The following LAMA3 variants were observed in gnomAD, a reference collection of about 807,000 sequenced individuals.
The protein encoded by LAMA3 is laminin subunit alpha-3.
In LAMA3, 281 loss-of-function variants were observed where a neutral mutation model predicts 402.0. That is an observed-to-expected ratio of 0.70 (90% CI 0.63 to 0.77). LAMA3 has a LOEUF of 0.77. Among genes scored for constraint, LAMA3 ranks in the 30% least tolerant of loss-of-function variants. LAMA3 has a pLI of 0.00. For synonymous variants in LAMA3, 1,431 were observed against 1,558.4 expected, an observed-to-expected ratio of 0.92 and a Z score of 1.93; for missense variants, 3,840 against 4,215.5, an observed-to-expected ratio of 0.91 and a Z score of 2.47.
intron 65 of LAMA3, 107 bp from the exon 66 acceptor site, chr18:23,932,053 T>G: frequency 1.5e-6 from 2 of 1,349,216 alleles, no homozygotes; most frequent in Non-Finnish European, 2.1e-6. Flanking sequence ...ACTAGTTATT[T>G]TAGATAACAA....
chr18:23,790,126 C>A (rs1305557508), intron 12 of LAMA3, among the ~76,000 whole-genome samples: 1 of 152,170 alleles, frequency 6.6e-6, no homozygotes, highest in Non-Finnish European at 1.5e-5. Flanking sequence ...TTACTCTCAG[C>A]CTGGTATACA....
At chr18:23,754,950 G>C (rs1189512359) in intron 6 of LAMA3, among the ~76,000 whole-genome samples, 1 of 152,220 alleles carries the variant, frequency 6.6e-6, no homozygotes, top group Non-Finnish European at 1.5e-5. Context: ...TGTGATGTGC[G>C]TTGTGGGGCC....
At chr18:23,903,218 A>G (rs2081132073) in intron 49 of LAMA3, 93 bp downstream of exon 49, 1 of 808,740 alleles carries the variant, frequency 1.2e-6, no homozygotes, top group Non-Finnish European at 2.2e-6. Context: ...TTTTTTGTTT[A>G]TTCAAAGTAT....
intron 1 of LAMA3, among the ~76,000 whole-genome samples, chr18:23,704,808 T>C (rs1647267015): frequency 2.0e-5 from 3 of 152,294 alleles, no homozygotes; most frequent in South Asian, 4.1e-4. Flanking sequence ...AATCATCCTC[T>C]AGCTTCTTGG....
chr18:23,778,626 A>C (rs773196389), intron 11 of LAMA3, among the ~76,000 whole-genome samples: 1 of 152,170 alleles, frequency 6.6e-6, no homozygotes, highest in Non-Finnish European at 1.5e-5. Flanking sequence ...GCACCAAAGG[A>C]AGGGCACAGC....
At chr18:23,889,105 A>C (rs2080549999) in intron 41 of LAMA3, among the ~76,000 whole-genome samples, 1 of 152,172 alleles carries the variant, frequency 6.6e-6, no homozygotes, top group Non-Finnish European at 1.5e-5. Context: ...GCACGGCAGC[A>C]ATTAGTGCAA....
At chr18:23,785,211 C>T (rs1288608461) in intron 12 of LAMA3, among the ~76,000 whole-genome samples, 2 of 152,346 alleles carry the variant, frequency 1.3e-5, no homozygotes, top group Middle Eastern at 3.4e-3. Context: ...CTTATTCACA[C>T]ACTTCCAATT....
intron 10 of LAMA3, among the ~76,000 whole-genome samples, chr18:23,776,716 C>G (rs1424999824): frequency 2.0e-5 from 3 of 152,126 alleles, no homozygotes; most frequent in Non-Finnish European, 4.4e-5. Context: ...CCTCCCACCC[C>G]AGGTAATTGC....
chr18:23,768,255 T>A (rs2062120855), intron 8 of LAMA3, among the ~76,000 whole-genome samples: 1 of 150,538 alleles, frequency 6.6e-6, no homozygotes, highest in South Asian at 2.1e-4. Flanking sequence ...AAAGGTCTAA[T>A]ATTCGGAATA....
chr18:23,848,693 G>A (rs2144646243), intron 32 of LAMA3, among the ~76,000 whole-genome samples: 1 of 152,292 alleles, frequency 6.6e-6, no homozygotes, highest in South Asian at 2.1e-4. Context: ...ACTTGAGGGT[G>A]GCTGTGGTAG....
intron 69 of LAMA3, among the ~76,000 whole-genome samples, 154 bp downstream of exon 69, chr18:23,944,125 C>T (rs1027862988): frequency 1.3e-5 from 2 of 152,152 alleles, no homozygotes; most frequent in Non-Finnish European, 2.9e-5. Flanking sequence ...CATCTCAGTA[C>T]TGGAGGCCGC....
At chr18:23,904,728 G>A (rs200941790) in intron 51 of LAMA3, 34 bp downstream of exon 51, 300 of 1,606,414 alleles carry the variant, frequency 1.9e-4, no homozygotes, top group Non-Finnish European at 2.3e-4. Flanking sequence ...CTCCACATTC[G>A]CTGTGGAGAT....
chr18:23,826,212 T>G (rs2063379217), intron 21 of LAMA3, among the ~76,000 whole-genome samples: 1 of 152,204 alleles, frequency 6.6e-6, no homozygotes, highest in Admixed American at 6.5e-5. Context: ...ATGTTCTTCC[T>G]CTCGTTTCTT....
At chr18:23,722,054 C>A (rs923187614) in intron 2 of LAMA3, among the ~76,000 whole-genome samples, 1 of 152,234 alleles carries the variant, frequency 6.6e-6, no homozygotes, top group African/African-American at 2.4e-5. Context: ...CTCCTTCAGT[C>A]TAGCCCTTAG....
chr18:23,812,772 A>T (rs2063099152), intron 13 of LAMA3, among the ~76,000 whole-genome samples: 1 of 152,198 alleles, frequency 6.6e-6, no homozygotes, highest in Admixed American at 6.5e-5. Flanking sequence ...AAAATTTTAG[A>T]ATCTTTCCCT....
intron 12 of LAMA3, among the ~76,000 whole-genome samples, chr18:23,794,040 G>A (rs1446178092): frequency 3.9e-5 from 6 of 152,242 alleles, no homozygotes; most frequent in Admixed American, 1.3e-4. Flanking sequence ...CGAGATATGG[G>A]GGAAGAGACT....
chr18:23,850,216 G>T (rs184599991), intron 32 of LAMA3, among the ~76,000 whole-genome samples: 20 of 152,292 alleles, frequency 1.3e-4, no homozygotes, highest in Admixed American at 1.1e-3. Flanking sequence ...CTGAAAAATT[G>T]CAATTCTCAA....
chr18:23,931,984 G>A (rs1319859996), intron 65 of LAMA3, among the ~76,000 whole-genome samples, 176 bp from the exon 66 acceptor site: 1 of 152,046 alleles, frequency 6.6e-6, no homozygotes, highest in Non-Finnish European at 1.5e-5. Context: ...AAAATGTGAT[G>A]TGCAAAAGAA....
At chr18:23,919,180 T>TTATG (rs1450597787) in intron 60 of LAMA3, among the ~76,000 whole-genome samples, 1 of 152,186 alleles carries the variant, frequency 6.6e-6, no homozygotes. Context: ...TTGTTTATGG[T>TTATG]TTGATCAACC....
Sources: allele counts gnomAD v4.1 joint callset (sites outside exome capture counted in the v4.1 genomes callset), GRCh38; gene constraint gnomAD v4.1.1; transcripts MANE v1.5; gene names NCBI Gene and HGNC (gene_info 2026-07-23, HGNC 2026-07-21).